The following MSRA variants were observed in gnomAD, a reference collection of about 807,000 sequenced individuals.
MSRA encodes mitochondrial peptide methionine sulfoxide reductase.
Under a neutral mutation model 31.3 loss-of-function variants are expected in MSRA, and 54 were observed. That is an observed-to-expected ratio of 1.73 (90% CI 1.39 to 2.17). MSRA has a LOEUF of 2.17. Among genes scored for constraint, MSRA ranks in the 30% most tolerant of loss-of-function variants. The probability of loss-of-function intolerance (pLI) is 0.00; values close to 1 mark genes in which losing one functional copy is unlikely to be tolerated. For missense variants in MSRA, 507 were observed against 300.9 expected (o/e 1.69, Z -5.07); for synonymous variants, 169 against 116.5 (o/e 1.45, Z -2.90).
At chr8:10,095,946 G>A (rs1799131131) in intron 1 of MSRA, 1 of 1,357,124 alleles carries the variant, frequency 7.4e-7, no homozygotes, top group African/African-American at 1.5e-5. Context: ...TTTCTAATTA[G>A]AGGGAATATT....
At chr8:10,150,050 G>C (rs1803527776) in intron 1 of MSRA, among the ~76,000 whole-genome samples, 1 of 151,308 alleles carries the variant, frequency 6.6e-6, no homozygotes, top group Non-Finnish European at 1.5e-5. Context: ...TGGGGAAAAA[G>C]TGTCCTAATG....
At chr8:10,110,240 C>G (rs890852438) in intron 1 of MSRA, among the ~76,000 whole-genome samples, 4 of 152,322 alleles carry the variant, frequency 2.6e-5, no homozygotes, top group African/African-American at 9.6e-5. Context: ...TGGACTGTTT[C>G]AGTGGATGTT....
intron 3 of MSRA, among the ~76,000 whole-genome samples, chr8:10,295,967 C>T (rs898151327): frequency 5.9e-5 from 9 of 152,192 alleles, no homozygotes; most frequent in African/African-American, 1.9e-4. Flanking sequence ...TAAACACTTG[C>T]TCATTAAACC....
intron 5 of MSRA, among the ~76,000 whole-genome samples, chr8:10,375,330 C>T (rs962094885): frequency 1.3e-5 from 2 of 152,202 alleles, no homozygotes; most frequent in Non-Finnish European, 2.9e-5. Flanking sequence ...CATTACACAC[C>T]ACATAAGGAC....
intron 1 of MSRA, among the ~76,000 whole-genome samples, chr8:10,143,404 G>GT (rs1486500422): frequency 6.6e-6 from 1 of 152,272 alleles, no homozygotes; most frequent in African/African-American, 2.4e-5. Flanking sequence ...TGGCATCCCA[G>GT]TTTGTTGTAT....
intron 1 of MSRA, among the ~76,000 whole-genome samples, chr8:10,173,218 G>A (rs891479791): frequency 1.3e-5 from 2 of 152,204 alleles, no homozygotes; most frequent in African/African-American, 2.4e-5. Context: ...GTGAGAAGGC[G>A]GTTAAATGCC....
chr8:10,261,837 A>G (rs188340647), intron 3 of MSRA, among the ~76,000 whole-genome samples: 233 of 152,314 alleles, frequency 1.5e-3, no homozygotes, highest in Non-Finnish European at 2.5e-3. Flanking sequence ...TTCACTCCCT[A>G]AAGATTCCCT....
chr8:10,160,502 A>G (rs1804541511), intron 1 of MSRA, among the ~76,000 whole-genome samples: 1 of 152,132 alleles, frequency 6.6e-6, no homozygotes, highest in Admixed American at 6.5e-5. Flanking sequence ...CTAAAAAAAA[A>G]AAAAAATCTA....
At chr8:10,130,575 A>G (rs1162152807) in intron 1 of MSRA, among the ~76,000 whole-genome samples, 1 of 152,186 alleles carries the variant, frequency 6.6e-6, no homozygotes, top group Non-Finnish European at 1.5e-5. Context: ...CTTTGTGGAC[A>G]AGACATTTCG....
At chr8:10,264,338 A>T (rs1053541654) in intron 3 of MSRA, among the ~76,000 whole-genome samples, 1 of 152,236 alleles carries the variant, frequency 6.6e-6, no homozygotes, top group Non-Finnish European at 1.5e-5. Context: ...TGCCCAGAAC[A>T]ATCTTATCAT....
intron 5 of MSRA, among the ~76,000 whole-genome samples, chr8:10,399,928 G>A (rs994534372): frequency 4.6e-5 from 7 of 152,182 alleles, no homozygotes; most frequent in African/African-American, 1.4e-4. Context: ...AGGGAGAGCT[G>A]TTGGAGCCGC....
intron 1 of MSRA, among the ~76,000 whole-genome samples, chr8:10,124,264 C>T (rs143517601): frequency 1.3e-5 from 2 of 152,276 alleles, no homozygotes; most frequent in East Asian, 1.9e-4. Flanking sequence ...AATATGGTGA[C>T]AGCTCCAAGA....
intron 1 of MSRA, among the ~76,000 whole-genome samples, chr8:10,114,054 T>G (rs1236339738): frequency 6.6e-6 from 1 of 152,226 alleles, no homozygotes; most frequent in Non-Finnish European, 1.5e-5. Flanking sequence ...AATAGAATCA[T>G]GTAATAGGTG....
intron 1 of MSRA, among the ~76,000 whole-genome samples, chr8:10,067,045 G>C (rs868285094): frequency 6.6e-6 from 1 of 152,028 alleles, no homozygotes; most frequent in African/African-American, 2.4e-5. Context: ...GTTTACATTA[G>C]AGTTCATTTT....
At chr8:10,397,336 G>C (rs999307004) in intron 5 of MSRA, among the ~76,000 whole-genome samples, 1 of 152,216 alleles carries the variant, frequency 6.6e-6, no homozygotes, top group African/African-American at 2.4e-5. Flanking sequence ...AGGAGCTCAG[G>C]AAATGTTGCT....
At chr8:10,305,063 G>A (rs921515264) in intron 4 of MSRA, among the ~76,000 whole-genome samples, 5 of 152,212 alleles carry the variant, frequency 3.3e-5, no homozygotes, top group African/African-American at 1.2e-4. Context: ...CAAGAGAAAT[G>A]TATTTTAATT....
intron 4 of MSRA, among the ~76,000 whole-genome samples, chr8:10,319,361 G>C (rs552175128): frequency 2.0e-5 from 3 of 152,182 alleles, no homozygotes; most frequent in East Asian, 3.9e-4. Flanking sequence ...AATGCTCTTT[G>C]CTGACTTTAA....
At chr8:10,369,904 C>G (rs1321153927) in intron 5 of MSRA, among the ~76,000 whole-genome samples, 1 of 152,186 alleles carries the variant, frequency 6.6e-6, no homozygotes, top group East Asian at 1.9e-4. Context: ...TTCATTCATT[C>G]TCCTATGTGG....
intron 2 of MSRA, among the ~76,000 whole-genome samples, chr8:10,234,025 C>G (rs78429628): frequency 0.088 from 13,464 of 152,136 alleles, 775 homozygotes; most frequent in Non-Finnish European, 0.14. Context: ...GTAACATCTT[C>G]AAAGTATTGA....
Sources: gnomAD v4.1 joint callset for allele counts (sites outside exome capture counted in the v4.1 genomes callset) on GRCh38, gnomAD v4.1.1 for gene constraint, MANE v1.5 for transcripts, NCBI Gene and HGNC (gene_info 2026-07-23, HGNC 2026-07-21) for gene names.